The following PHF14 variants were observed in gnomAD, a reference collection of about 807,000 sequenced individuals.
PHF14 encodes the protein PHD finger protein 14.
PHF14 carries 55 observed loss-of-function variants against 117.9 expected under a neutral mutation model. The ratio of observed to expected loss-of-function variants is 0.47; its 90% confidence interval spans 0.38 to 0.58. The LOEUF (loss-of-function observed/expected upper bound fraction) is 0.58, where lower values mean the gene tolerates loss of function less well. PHF14 is among the 20% of genes least tolerant of loss of function. The probability of loss-of-function intolerance (pLI) is 0.00; values close to 1 mark genes in which losing one functional copy is unlikely to be tolerated. For synonymous variants in PHF14, 409 were observed against 368.6 expected (o/e 1.11, Z -1.26); for missense variants, 978 against 1,122.2 (o/e 0.87, Z 1.84).
chr7:11,103,764 T>C, intron 16 of PHF14: 1 of 985,010 alleles, frequency 1.0e-6, no homozygotes, highest in Non-Finnish European at 1.2e-6. Context: ...AATCTAGTGA[T>C]CTCTAGTTAC....
At chr7:11,062,729 A>G (rs1785271948) in intron 16 of PHF14, 1 of 985,262 alleles carries the variant, frequency 1.0e-6, no homozygotes, top group Non-Finnish European at 1.2e-6. Context: ...CCAACGGTCC[A>G]GAGGCTGCTA....
rs547934681 is a variant in PHF14, at chr7:11,042,825, T to G, written c.2312+11T>G. ...CAAAAACAGTTATTGGTGAGTAAAA[T>G]AGAGGAGATTTAGATGTTTGAATTG... On this transcript the variant is annotated intron_variant, in intron 13 of 17. Transcript: ENST00000634607. 6.5e-7 allele frequency: 1 copy of G among 1,543,152 alleles called. No individual in the cohort carries two copies. The highest frequency in any genetic ancestry group is 1.2e-5 in the South Asian group (1 of 84,092).
rs115831727 is a variant in PHF14, at chr7:11,044,902, C to T, written c.2312+2088C>T. ...TGCATTGTACCTACTGGTCGAGTAT[C>T]CCAAATCTGAAAATCTGAAATCTGC... is the stretch of plus-strand genomic sequence containing the variant. On this transcript the variant is annotated intron_variant, in intron 13 of 17. Transcript: ENST00000634607. 6.1e-3 allele frequency among the ~76,000 whole-genome samples: 925 copies of T among 152,212 alleles called. 11 individuals carry two copies. The highest frequency in any genetic ancestry group is 0.021 in the African/African-American group (882 of 41,538).
At chr7:11,127,352 T>C (rs1787956035) in intron 17 of PHF14, among the ~76,000 whole-genome samples, 1 of 151,782 alleles carries the variant, frequency 6.6e-6, no homozygotes, top group African/African-American at 2.4e-5. Context: ...CTTAGTTCCG[T>C]TTATCTCTTT....
chr7:11,137,737 C>T (rs1788267505), intron 17 of PHF14, among the ~76,000 whole-genome samples: 1 of 151,928 alleles, frequency 6.6e-6, no homozygotes, highest in African/African-American at 2.4e-5. Context: ...AGGCACCTGC[C>T]ACCACGCCTG....
chr7:11,017,546 A>G (rs1381103794), intron 5 of PHF14, among the ~76,000 whole-genome samples: 9 of 151,772 alleles, frequency 5.9e-5, no homozygotes, highest in Non-Finnish European at 1.5e-5. Flanking sequence ...TTCTTTTTAT[A>G]TGTCTTTTTT....
intron 16 of PHF14, chr7:11,063,272 A>G: frequency 1.0e-6 from 1 of 984,902 alleles, no homozygotes; most frequent in Non-Finnish European, 1.2e-6. Flanking sequence ...GGTTAAGTTT[A>G]TTAAAATTTA....
chr7:10,984,616 T>C (rs1432956279), intron 3 of PHF14, among the ~76,000 whole-genome samples: 3 of 152,154 alleles, frequency 2.0e-5, no homozygotes, highest in Admixed American at 2.0e-4. Flanking sequence ...TTTTATTAGG[T>C]TGATATTCTT....
chr7:11,112,663 T>A (rs1583475239), intron 17 of PHF14, among the ~76,000 whole-genome samples: 1 of 151,508 alleles, frequency 6.6e-6, no homozygotes, highest in Non-Finnish European at 1.5e-5. Context: ...CCCAGCTACT[T>A]GGGAGGCTGA....
intron 7 of PHF14, among the ~76,000 whole-genome samples, chr7:11,035,067 T>G (rs1244926688): frequency 2.0e-5 from 3 of 151,914 alleles, no homozygotes; most frequent in Non-Finnish European, 4.4e-5. Flanking sequence ...TGTCTGTGGA[T>G]TACACATTCT....
chr7:11,063,595 A>T (rs569090172), intron 16 of PHF14: 55 of 749,802 alleles, frequency 7.3e-5, no homozygotes, highest in African/African-American at 7.0e-4. Context: ...TGTCTTACTA[A>T]TTTTTTTTTT....
intron 17 of PHF14, among the ~76,000 whole-genome samples, chr7:11,111,855 A>G (rs1787457889): frequency 1.3e-5 from 2 of 151,610 alleles, no homozygotes; most frequent in African/African-American, 4.8e-5. Context: ...AATTTTATAG[A>G]TGTTTTATTT....
intron 17 of PHF14, among the ~76,000 whole-genome samples, chr7:11,152,677 G>T (rs759857393): frequency 6.6e-6 from 1 of 152,138 alleles, no homozygotes; most frequent in Non-Finnish European, 1.5e-5. Context: ...ATCTGCTGTC[G>T]TGGAGCATGC....
rs1211309465 is a variant in PHF14 at position 10,974,198 on chromosome 7, G to A, written c.-126G>A. On this transcript the variant is annotated 5_prime_UTR_variant, in exon 1 of 18. Transcript: ENST00000634607. The stretch of plus-strand genomic sequence containing the variant: ...TGGGAGCGCCCCTGTCCGGCTGGCT[G>A]CGCGCCGGTTTTAAATAGCATCTTT... The A allele has an allele frequency of 2.4e-6, 2 of 825,898 alleles. No homozygotes were observed. Among genetic ancestry groups the A allele is most frequent in the Non-Finnish European group, 4.0e-6 (2 of 501,934 alleles). 51.2% of individuals were successfully genotyped at this position (825,898 alleles called of 1,614,324 possible).
intron 11 of PHF14, among the ~76,000 whole-genome samples, chr7:11,040,468 A>T (rs1440518008): frequency 3.9e-5 from 6 of 152,050 alleles, no homozygotes; most frequent in South Asian, 2.1e-4. Flanking sequence ...AAAATTGATG[A>T]AAGTCTGTAA....
At chr7:11,103,495 C>G (rs1787159301) in intron 16 of PHF14, 9 of 984,218 alleles carry the variant, frequency 9.1e-6, no homozygotes, top group Non-Finnish European at 9.7e-6. Context: ...CTTTAATGAT[C>G]CAGTTTTAAG....
At chr7:11,088,882 G>A (rs181547664) in intron 16 of PHF14, among the ~76,000 whole-genome samples, 2 of 152,202 alleles carry the variant, frequency 1.3e-5, no homozygotes, top group East Asian at 3.9e-4. Context: ...GAGGAAACCT[G>A]TTTTATGTCA....
chr7:11,106,281 G>T, intron 16 of PHF14: 1 of 964,992 alleles, frequency 1.0e-6, no homozygotes, highest in Non-Finnish European at 1.2e-6. Context: ...TATGTGTAAA[G>T]AATATTTTTG....
intron 13 of PHF14, among the ~76,000 whole-genome samples, chr7:11,050,466 T>C (rs1678016265): frequency 6.6e-6 from 1 of 152,196 alleles, no homozygotes. Context: ...TCCTTTATGA[T>C]TGACAATATA....
Sources: allele counts gnomAD v4.1 joint callset (sites outside exome capture counted in the v4.1 genomes callset), GRCh38; gene constraint gnomAD v4.1.1; transcripts MANE v1.5; gene names NCBI Gene and HGNC (gene_info 2026-07-23, HGNC 2026-07-21).